GSG1L: variants seen among roughly 807,000 people sequenced by gnomAD.
The protein encoded by GSG1L is germ cell-specific gene 1-like protein.
In GSG1L, 24 loss-of-function variants were observed where a neutral mutation model predicts 42.1. That is an observed-to-expected ratio of 0.57 (90% confidence interval 0.41 to 0.80). The LOEUF is 0.80. Among genes scored for constraint, GSG1L ranks in the 30% least tolerant of loss-of-function variants. The pLI is 0.00. For missense variants in GSG1L, 445 were observed against 472.2 expected (o/e 0.94, Z 0.53); for synonymous variants, 215 against 203.5 (o/e 1.06, Z -0.48).
chr16:28,046,986 A>G (rs1480150730), intron 1 of GSG1L, among the ~76,000 whole-genome samples: 10 of 152,212 alleles, frequency 6.6e-5, no homozygotes, highest in Admixed American at 6.5e-4. Flanking sequence ...TGGAAGTTCC[A>G]TGAGGACAGG....
At chr16:27,914,867 C>T (rs1239070240) in intron 2 of GSG1L, among the ~76,000 whole-genome samples, 1 of 152,008 alleles carries the variant, frequency 6.6e-6, no homozygotes, top group Non-Finnish European at 1.5e-5. Flanking sequence ...GCAGATTGCC[C>T]CTGGCTACAC....
At chr16:27,876,922 A>C (rs1251119550) in intron 3 of GSG1L, among the ~76,000 whole-genome samples, 1 of 152,198 alleles carries the variant, frequency 6.6e-6, no homozygotes, top group Non-Finnish European at 1.5e-5. Flanking sequence ...CACGAGGCTG[A>C]TTATTTCCCG....
chr16:27,840,380 C>T (rs893145988), intron 4 of GSG1L, among the ~76,000 whole-genome samples: 9 of 151,992 alleles, frequency 5.9e-5, no homozygotes, highest in South Asian at 2.1e-4. Flanking sequence ...ACAGGTGAGC[C>T]ACTTTGCTCG....
At chr16:27,831,011 A>G (rs1422974648) in intron 4 of GSG1L, among the ~76,000 whole-genome samples, 1 of 152,220 alleles carries the variant, frequency 6.6e-6, no homozygotes, top group African/African-American at 2.4e-5. Flanking sequence ...TGAGCACATG[A>G]CCTCGGCTTG....
At chr16:27,872,838 A>G (rs1033329382) in intron 3 of GSG1L, among the ~76,000 whole-genome samples, 2 of 152,216 alleles carry the variant, frequency 1.3e-5, no homozygotes, top group African/African-American at 2.4e-5. Context: ...AGGAGCCCTC[A>G]GTTCTGGGAA....
chr16:27,857,586 C>T (rs149856592), intron 3 of GSG1L, among the ~76,000 whole-genome samples: 110 of 152,080 alleles, frequency 7.2e-4, no homozygotes, highest in African/African-American at 2.3e-3. Flanking sequence ...TACAAGAAAA[C>T]GAAAGGCAAG....
At position 27,922,842 on chromosome 16, in the gene GSG1L, G is replaced by A. The variant is rs182963118; in HGVS notation, c.398-38204C>T. 6.1e-3 allele frequency among the ~76,000 whole-genome samples: 925 copies of A among 152,232 alleles called. 13 individuals carry two copies. Among genetic ancestry groups the A allele is most frequent in the African/African-American group, 0.021 (881 of 41,546 alleles). On this transcript the variant is annotated intron_variant, in intron 2 of 6. Coordinates refer to ENST00000447459, the MANE Select transcript of GSG1L (RefSeq NM_001109763.2). ...TCTGTTGCCCGGGCTGTGGTGCAGTGGTGCAATCATAGCTCACTGCAGCCT... is the reference window on the plus strand; with the variant it reads ...TCTGTTGCCCGGGCTGTGGTGCAGTAGTGCAATCATAGCTCACTGCAGCCT...
Position 27,994,321 on chromosome 16 carries a change from G to A in GSG1L, c.350-31118C>T, listed in dbSNP as rs74948331. 7.8e-3 allele frequency among the ~76,000 whole-genome samples: 1,189 copies of A among 151,910 alleles called. 15 individuals are homozygous for A. The highest frequency in any genetic ancestry group is 0.027 in the African/African-American group (1,104 of 41,442). On this transcript the variant is annotated intron_variant, in intron 1 of 6. Transcript: ENST00000447459. The stretch of plus-strand genomic sequence containing the variant: ...TTGGGGGGGTTCAGAATGGTGGGGG[G>A]ATGTGGCATTAAACTACACTGAATT...
chr16:27,853,329 T>C (rs2140992088), intron 3 of GSG1L, among the ~76,000 whole-genome samples: 1 of 152,278 alleles, frequency 6.6e-6, no homozygotes, highest in East Asian at 1.9e-4. Context: ...CAGACCTATT[T>C]TTAAAGAACA....
At chr16:27,945,613 G>T (rs1421653598) in intron 2 of GSG1L, among the ~76,000 whole-genome samples, 1 of 152,206 alleles carries the variant, frequency 6.6e-6, no homozygotes, top group Non-Finnish European at 1.5e-5. Flanking sequence ...TCAAGCAGAC[G>T]CCTGAGCAAA....
Position 27,865,990 on chromosome 16 carries a change from C to T in GSG1L, c.550+18496G>A, listed in dbSNP as rs574094168. Among the ~76,000 whole-genome samples, 134 of 152,174 alleles carry T rather than the reference C, an allele frequency of 8.8e-4. 4 individuals carry two copies. In the South Asian group the frequency reaches 0.027, roughly 30 times the overall value. On this transcript the variant is annotated intron_variant, in intron 3 of 6. Transcript: ENST00000447459. ...TGCTGGGATTACAGTTGTGAGCCACCGCATCTGGCCAAATACACTCTTAGT... is the reference window on the plus strand; with the variant it reads ...TGCTGGGATTACAGTTGTGAGCCACTGCATCTGGCCAAATACACTCTTAGT...
intron 1 of GSG1L, among the ~76,000 whole-genome samples, chr16:27,971,295 A>G (rs2085190979): frequency 6.6e-6 from 1 of 152,176 alleles, no homozygotes; most frequent in Non-Finnish European, 1.5e-5. Context: ...ATGTTTTTCC[A>G]TTTACTTAGA....
At chr16:27,979,874 A>C in intron 1 of GSG1L, among the ~76,000 whole-genome samples, 1 of 151,746 alleles carries the variant, frequency 6.6e-6, no homozygotes, top group Non-Finnish European at 1.5e-5. Context: ...GAAAGAAAGG[A>C]AAGAAAGAAA....
intron 1 of GSG1L, among the ~76,000 whole-genome samples, chr16:28,001,855 G>A (rs1189736271): frequency 6.6e-6 from 1 of 152,192 alleles, no homozygotes; most frequent in African/African-American, 2.4e-5. Context: ...TGGCAGCCTG[G>A]TCTCCACCCG....
intron 2 of GSG1L, among the ~76,000 whole-genome samples, chr16:27,911,310 A>T (rs796079668): frequency 6.1e-5 from 6 of 97,834 alleles, no homozygotes; most frequent in African/African-American, 2.5e-4. Flanking sequence ...CTCTCTTTTG[A>T]GACAGGGTCT....
chr16:27,982,998 A>C (rs1341667780), intron 1 of GSG1L, among the ~76,000 whole-genome samples: 1 of 152,136 alleles, frequency 6.6e-6, no homozygotes, highest in Non-Finnish European at 1.5e-5. Flanking sequence ...ACTGCCATCC[A>C]CCAGGACCAC....
intron 2 of GSG1L, among the ~76,000 whole-genome samples, chr16:27,936,280 G>T (rs567243359): frequency 1.3e-5 from 2 of 152,258 alleles, no homozygotes; most frequent in African/African-American, 4.8e-5. Context: ...CAGATCTCAG[G>T]TTGAAATTTG....
intron 2 of GSG1L, among the ~76,000 whole-genome samples, chr16:27,930,349 C>T (rs1294735657): frequency 2.0e-5 from 3 of 152,222 alleles, no homozygotes; most frequent in African/African-American, 7.2e-5. Flanking sequence ...CAGCGAGGCC[C>T]CCCTAGACTG....
In GSG1L at chr16:27,882,450, G is replaced by C. The variant is rs544644976; in HGVS notation, c.550+2036C>G. ...CCTATTGCCTATATGGTAAAATCCA[G>C]ACTCTATAAAGCACTGAGACCCTCA... is the stretch of plus-strand genomic sequence containing the variant. On this transcript the variant is annotated intron_variant, in intron 3 of 6. Transcript: ENST00000447459. Among the ~76,000 whole-genome samples, 23 of 135,022 alleles carry C rather than the reference G, an allele frequency of 1.7e-4. 2 individuals carry two copies. In the South Asian group the frequency reaches 5.6e-3, roughly 33 times the overall value. The allele number at this position is 135,022 out of a possible 152,430, so 88.6% of individuals were successfully genotyped here. A position where few individuals can be genotyped will look rare whatever the true frequency, so the allele number is the denominator to read the frequency against.
Sources: gnomAD v4.1 joint callset for allele counts (sites outside exome capture counted in the v4.1 genomes callset) on GRCh38, gnomAD v4.1.1 for gene constraint, MANE v1.5 for transcripts, NCBI Gene and HGNC (gene_info 2026-07-23, HGNC 2026-07-21) for gene names.